TBC1D12: variants seen among roughly 807,000 people sequenced by gnomAD.
TBC1D12 encodes TBC1 domain family, member 12.
TBC1D12 carries 56 observed loss-of-function variants against 86.7 expected under a neutral mutation model. The observed-to-expected ratio is 0.65, with a 90% CI of 0.52 to 0.81. TBC1D12 has a LOEUF of 0.81. TBC1D12 is among the 30% of genes least tolerant of loss of function. The pLI is 0.00. For synonymous variants in TBC1D12, 421 were observed against 411.7 expected (o/e 1.02, Z -0.27); for missense variants, 1,023 against 1,038.8 (o/e 0.98, Z 0.21).
chr10:94,441,510 T>C (rs1038597990), intron 1 of TBC1D12, among the ~76,000 whole-genome samples: 1 of 152,202 alleles, frequency 6.6e-6, no homozygotes, highest in Non-Finnish European at 1.5e-5. Flanking sequence ...GCTATCATTT[T>C]CCTTCCAATT....
At chr10:94,407,510 T>G (rs1319925982) in intron 1 of TBC1D12, among the ~76,000 whole-genome samples, 1 of 152,132 alleles carries the variant, frequency 6.6e-6, no homozygotes, top group Non-Finnish European at 1.5e-5. Flanking sequence ...GGCGAAACCC[T>G]GTCTCTACTA....
intron 2 of TBC1D12, among the ~76,000 whole-genome samples, chr10:94,453,286 C>T (rs887959491): frequency 2.6e-5 from 4 of 152,066 alleles, no homozygotes; most frequent in African/African-American, 9.7e-5. Flanking sequence ...AGTAGTCTCC[C>T]CTTATCACAG....
At chr10:94,465,246 T>C (rs1183862763) in intron 2 of TBC1D12, among the ~76,000 whole-genome samples, 1 of 152,210 alleles carries the variant, frequency 6.6e-6, no homozygotes, top group Non-Finnish European at 1.5e-5. Flanking sequence ...GTGCACCAGA[T>C]ACGTAGATCT....
At chr10:94,513,895 TAAAAC>T (rs907306408) in intron 9 of TBC1D12, among the ~76,000 whole-genome samples, 16 of 152,176 alleles carry the variant, frequency 1.1e-4, no homozygotes, top group African/African-American at 3.6e-4. Context: ...GTTGTATAAT[TAAAAC>T]AAAGTAATTA....
intron 2 of TBC1D12, among the ~76,000 whole-genome samples, chr10:94,470,690 CT>C (rs35586245): frequency 0.12 from 12,919 of 105,830 alleles, 391 homozygotes; most frequent in Middle Eastern, 0.17. Context: ...ATTTGTAATT[CT>C]TTTTTTTTTT....
intron 1 of TBC1D12, among the ~76,000 whole-genome samples, chr10:94,408,285 A>G (rs1397525110): frequency 6.6e-6 from 1 of 152,172 alleles, no homozygotes; most frequent in Non-Finnish European, 1.5e-5. Flanking sequence ...CTGAAAAGAA[A>G]ATTGACTTTA....
intron 1 of TBC1D12, among the ~76,000 whole-genome samples, chr10:94,411,931 C>G (rs2054933691): frequency 6.6e-6 from 1 of 152,136 alleles, no homozygotes; most frequent in Non-Finnish European, 1.5e-5. Flanking sequence ...GCCTTCCTGC[C>G]TGGATGGCAG....
At chr10:94,483,327 G>C (rs1033385496) in intron 3 of TBC1D12, among the ~76,000 whole-genome samples, 1 of 151,940 alleles carries the variant, frequency 6.6e-6, no homozygotes, top group Non-Finnish European at 1.5e-5. Flanking sequence ...AGTTTTTTTA[G>C]GAACCTCCAA....
chr10:94,510,607 A>G (rs1220924255), intron 8 of TBC1D12, among the ~76,000 whole-genome samples: 2 of 152,218 alleles, frequency 1.3e-5, no homozygotes, highest in East Asian at 3.8e-4. Context: ...AGTTGCTTAT[A>G]CCTTATGAAA....
chr10:94,507,273 A>G lies in TBC1D12; in HGVS notation c.1526A>G (p.Tyr509Cys), dbSNP rs767459079. The change falls in exon 7 of 13, where the codon TAT becomes TGT. Residue 509 changes from tyrosine to cysteine, a missense_variant. Tyr to Cys is a radical substitution (Grantham distance 194). This residue lies in a region of TBC1D12 where 395 missense variants were observed against 507.7 expected (regional missense o/e 0.78). Transcript: ENST00000225235. ...TTCTCCCCCCAACCCCCAGAACTTT[A>G]TGAAATCTTCCTCTCAAGAGCAAAA... ...GNELNITPELYEIFLSRAKER... is the reference protein window; with the variant it reads ...GNELNITPELCEIFLSRAKER... The G allele has an allele frequency of 1.2e-6, 2 of 1,610,182 alleles. No individual in the cohort carries two copies. Among genetic ancestry groups the G allele is most frequent in the Non-Finnish European group, 1.7e-6 (2 of 1,179,262 alleles).
intron 2 of TBC1D12, among the ~76,000 whole-genome samples, chr10:94,462,056 T>C (rs1391939068): frequency 6.6e-6 from 1 of 152,190 alleles, no homozygotes; most frequent in Non-Finnish European, 1.5e-5. Context: ...TTGCTAATAC[T>C]ATGTTAGGGA....
intron 11 of TBC1D12, among the ~76,000 whole-genome samples, chr10:94,522,978 G>A (rs1842191562): frequency 6.7e-6 from 1 of 148,944 alleles, no homozygotes; most frequent in South Asian, 2.1e-4. Flanking sequence ...CAGGAGGCGG[G>A]AGGTTGCAGT....
chr10:94,467,782 C>T (rs754830206), intron 2 of TBC1D12, among the ~76,000 whole-genome samples: 1 of 152,240 alleles, frequency 6.6e-6, no homozygotes, highest in South Asian at 2.1e-4. Flanking sequence ...GGTTGGGGTG[C>T]AGCAGTGAGC....
Position 94,403,389 on chromosome 10 carries a change from G to C in TBC1D12, c.776G>C (p.Gly259Ala). ...PATSAERTNG[G>A]AEPRLGFSDI... ...ACCTCGGCCGAGAGGACTAATGGGG[G>C]TGCGGAGCCGCGCCTGGGCTTTTCT... The change falls in exon 1 of 13, where the codon GGT becomes GCT. Residue 259 changes from glycine to alanine, a missense_variant. Gly to Ala is a moderately conservative substitution (Grantham distance 60). Around this residue, in one of 2 missense-constraint regions of TBC1D12, gnomAD observed 628 missense variants for 531.1 expected, o/e 1.18. Transcript: ENST00000225235. 1 of 1,545,114 alleles carries C rather than the reference G, an allele frequency of 6.5e-7. No individual in the cohort carries two copies. The highest frequency in any genetic ancestry group is 8.7e-7 in the Non-Finnish European group (1 of 1,145,496).
chr10:94,422,160 T>G (rs541557832), intron 1 of TBC1D12, among the ~76,000 whole-genome samples: 193 of 151,994 alleles, frequency 1.3e-3, no homozygotes, highest in African/African-American at 4.5e-3. Flanking sequence ...GTACAGAGTT[T>G]AGCTGATATC....
chr10:94,531,867 T>TTATTTTATTTTA (rs1187444873), intron 12 of TBC1D12, among the ~76,000 whole-genome samples: 1 of 129,664 alleles, frequency 7.7e-6, no homozygotes, highest in Non-Finnish European at 1.7e-5. Flanking sequence ...ATTTTATATG[T>TTATTTTATTTTA]TATGTTATGT....
At chr10:94,463,583 T>C (rs2055762634) in intron 2 of TBC1D12, among the ~76,000 whole-genome samples, 2 of 152,154 alleles carry the variant, frequency 1.3e-5, no homozygotes, top group South Asian at 4.1e-4. Flanking sequence ...ACTATCACAC[T>C]GGGGATTAAA....
rs777781579 is a variant in TBC1D12, at chr10:94,497,161, T to C, written c.1401T>C (p.Asn467=). Residue 467 remains asparagine (N), a synonymous_variant, in exon 5 of 13, where the codon AAT becomes AAC. Coordinates refer to ENST00000225235, the MANE Select transcript of TBC1D12 (RefSeq NM_015188.2). The stretch of plus-strand genomic sequence containing the variant: ...TTTGGATCAATGAAATACTGCCCAA[T>C]TGGGAAGTAATGTAAGTAAGCAGAC... The part of the protein sequence containing the change: ...MVIWINEILP[N]WEVMRSTRRV... The C allele has an allele frequency of 1.6e-5, 25 of 1,539,520 alleles. No homozygotes were observed. The highest frequency in any genetic ancestry group is 2.1e-5 in the Non-Finnish European group (24 of 1,150,678).
intron 9 of TBC1D12, among the ~76,000 whole-genome samples, chr10:94,518,209 T>G (rs1225227509): frequency 6.6e-6 from 1 of 152,078 alleles, no homozygotes; most frequent in African/African-American, 2.4e-5. Flanking sequence ...ATTCTTTTTT[T>G]TCTTTTCTTT....
Sources: gnomAD v4.1 joint callset for allele counts (sites outside exome capture counted in the v4.1 genomes callset) on GRCh38, gnomAD v4.1.1 for gene constraint, gnomAD v4.1.1 regional missense constraint, MANE v1.5 for transcripts, NCBI Gene and HGNC (gene_info 2026-07-23, HGNC 2026-07-21) for gene names.